PRDM16: variants seen among roughly 807,000 people sequenced by gnomAD.
PRDM16 encodes PR/SET domain 16.
PRDM16 carries 23 observed loss-of-function variants against 110.6 expected under a neutral mutation model. The observed-to-expected ratio is 0.21, with a 90% CI of 0.15 to 0.29. The LOEUF (loss-of-function observed/expected upper bound fraction) is 0.29. Ranked by LOEUF, PRDM16 falls within the 10% of genes least tolerant of loss-of-function variation. The pLI, the probability that PRDM16 is intolerant of heterozygous loss-of-function variation, is 1.00. For synonymous variants in PRDM16, 799 were observed against 781.8 expected, an observed-to-expected ratio of 1.02 and a Z score of -0.37; for missense variants, 1,615 against 1,794.3, an observed-to-expected ratio of 0.90 and a Z score of 1.81.
In PRDM16 at chr1:3,425,897, C is replaced by A; in HGVS notation, c.3109+147C>A. 3 of 1,256,534 alleles carry A rather than the reference C, an allele frequency of 2.4e-6. No individual in the cohort carries two copies. In the South Asian group the frequency reaches 4.4e-5, roughly 18 times the overall value. 77.8% of individuals were successfully genotyped at this position (1,256,534 alleles called of 1,614,324 possible). ...GGAAGCCAACAGGCACCCCTCAAAC[C>A]GTGGTCATTAAAGAGAACCTCGTGC... On this transcript the variant is annotated intron_variant, in intron 13 of 16. Coordinates refer to ENST00000270722, the MANE Select transcript of PRDM16 (RefSeq NM_022114.4). The surrounding 1 kb of genome is among the most constrained non-coding windows in gnomAD (Gnocchi z 6.9).
chr1:3,076,553 C>T (rs934050431), intron 1 of PRDM16, among the ~76,000 whole-genome samples: 6 of 152,176 alleles, frequency 3.9e-5, no homozygotes, highest in African/African-American at 1.4e-4. Context: ...TCAGCGTCCC[C>T]GGGCAGAAGC....
At chr1:3,320,353 C>T (rs1482555928) in intron 3 of PRDM16, among the ~76,000 whole-genome samples, 1 of 152,144 alleles carries the variant, frequency 6.6e-6, no homozygotes, top group African/African-American at 2.4e-5. Context: ...CACACGTGCA[C>T]ACACTGGTGT....
intron 1 of PRDM16, among the ~76,000 whole-genome samples, chr1:3,168,880 A>G (rs1410633133): frequency 2.0e-5 from 3 of 152,082 alleles, no homozygotes; most frequent in Non-Finnish European, 2.9e-5. Flanking sequence ...GCTCTGGCCT[A>G]CCGAGCCTAC....
intron 1 of PRDM16, among the ~76,000 whole-genome samples, chr1:3,139,842 G>A (rs893721734): frequency 6.6e-6 from 1 of 152,206 alleles, no homozygotes; most frequent in South Asian, 2.1e-4. Context: ...GGTGAAAGAC[G>A]GTCCTAAGAC....
At chr1:3,101,630 G>A (rs868163149) in intron 1 of PRDM16, among the ~76,000 whole-genome samples, 1 of 152,214 alleles carries the variant, frequency 6.6e-6, no homozygotes, top group Non-Finnish European at 1.5e-5. Flanking sequence ...CAGGGCACCC[G>A]TGGGGGTCTC....
chr1:3,418,791 G>T lies in PRDM16; in HGVS notation c.2939+47G>T, dbSNP rs376082111. 43 of 1,408,998 alleles carry T rather than the reference G, an allele frequency of 3.1e-5. No individual in the cohort carries two copies. The African/African-American group carries it at 4.0e-4, about 13-fold the overall frequency. The allele number at this position is 1,408,998 out of a possible 1,614,324, so 87.3% of individuals were successfully genotyped here. A position where few individuals can be genotyped will look rare whatever the true frequency, so the allele number is the denominator to read the frequency against. ...TGTGGGGGCGGGGCCGCCTGCCTCC[G>T]TGCACCGCTGACCCACTCCTAGGAG... On this transcript the variant is annotated intron_variant, in intron 12 of 16. Transcript: ENST00000270722.
chr1:3,415,443 G>A (rs573964016), intron 10 of PRDM16, among the ~76,000 whole-genome samples: 2 of 152,350 alleles, frequency 1.3e-5, no homozygotes, highest in Non-Finnish European at 2.9e-5. Context: ...CGCCGTGGAC[G>A]GGCCCCCCAC....
rs1278900346 is a variant in PRDM16, at chr1:3,148,640, G to A, written c.38-37485G>A. 6.6e-6 allele frequency among the ~76,000 whole-genome samples: 1 copy of A among 152,134 alleles called. No homozygotes were observed. The highest frequency in any genetic ancestry group is 6.5e-5 in the Admixed American group (1 of 15,282). ...GGCTCAGATCCCATCTCAGGTGGGC[G>A]GTGACTTGTCCTGGCCGAGCCAGCC... On this transcript the variant is annotated intron_variant, in intron 1 of 16. Transcript: ENST00000270722. The surrounding 1 kb of genome is among the most constrained non-coding windows in gnomAD (Gnocchi z 5.0).
At chr1:3,134,036 G>A (rs913419894) in intron 1 of PRDM16, among the ~76,000 whole-genome samples, 3 of 152,214 alleles carry the variant, frequency 2.0e-5, no homozygotes, top group East Asian at 1.9e-4. Context: ...CAGGCAGCGC[G>A]TCCAGTTCAG....
rs185041492 is a variant in PRDM16 at position 3,402,820 on chromosome 1, G to A, written c.706G>A (p.Asp236Asn). The A allele has an allele frequency of 9.6e-5, 155 of 1,612,732 alleles. No homozygotes were observed. The Admixed American group carries it at 2.3e-3, about 24-fold the overall frequency. ...EEPTFRCDECDELFQSKLDLR... is the reference protein window; with the variant it reads ...EEPTFRCDECNELFQSKLDLR... ...GCCCACGTTCCGCTGTGACGAGTGTGACGAACTCTTCCAGTCCAAGCTGGA... is the reference window on the plus strand; with the variant it reads ...GCCCACGTTCCGCTGTGACGAGTGTAACGAACTCTTCCAGTCCAAGCTGGA... Residue 236 changes from aspartate to asparagine, a missense_variant, in exon 6 of 17, where the codon GAC becomes AAC. Asp to Asn is a conservative substitution (Grantham distance 23). This residue lies in a region of PRDM16 where 416 missense variants were observed against 467.1 expected (regional missense o/e 0.89). Coordinates refer to ENST00000270722, the MANE Select transcript of PRDM16 (RefSeq NM_022114.4).
At chr1:3,389,288 C>T (rs751473879) in intron 4 of PRDM16, among the ~76,000 whole-genome samples, 11 of 152,298 alleles carry the variant, frequency 7.2e-5, no homozygotes, top group Middle Eastern at 3.4e-3. Flanking sequence ...GAGGCAGGAC[C>T]GGCTAAGCTG....
chr1:3,139,076 G>T (rs1251422265), intron 1 of PRDM16, among the ~76,000 whole-genome samples: 2 of 152,152 alleles, frequency 1.3e-5, no homozygotes, highest in South Asian at 4.1e-4. Context: ...GTCTGCAGGG[G>T]TCCAGTTTGT....
chr1:3,096,841 G>C (rs930081485), intron 1 of PRDM16, among the ~76,000 whole-genome samples: 3 of 152,186 alleles, frequency 2.0e-5, no homozygotes, highest in African/African-American at 7.2e-5. Flanking sequence ...ACGGGAGTCT[G>C]GGCGGCTTCT....
intron 3 of PRDM16, among the ~76,000 whole-genome samples, chr1:3,256,588 G>A (rs1344300515): frequency 6.6e-6 from 1 of 152,212 alleles, no homozygotes; most frequent in Non-Finnish European, 1.5e-5. Context: ...GTCGGGCGTG[G>A]TGGCTCATGC....
rs1461643651 is a variant in PRDM16, at chr1:3,364,319, G to C, written c.439-20833G>C. On this transcript the variant is annotated intron_variant, in intron 3 of 16. Transcript: ENST00000270722. Reference sequence around the variant, plus strand: ...TTTATCGGTTCTTCAGGGGCCCCTGGTTTTCCATGAAGTGGCCCCCAAGTC... The same window carrying C: ...TTTATCGGTTCTTCAGGGGCCCCTGCTTTTCCATGAAGTGGCCCCCAAGTC... 5.3e-5 allele frequency among the ~76,000 whole-genome samples: 8 copies of C among 152,166 alleles called. No individual in the cohort carries two copies. In the East Asian group the frequency reaches 1.5e-3, roughly 29 times the overall value.
At chr1:3,411,195 GCACA>G (rs544227601) in intron 8 of PRDM16, among the ~76,000 whole-genome samples, 185 bp from the exon 9 acceptor site, 1 of 152,130 alleles carries the variant, frequency 6.6e-6, no homozygotes, top group Non-Finnish European at 1.5e-5. Flanking sequence ...TTGTGTGTAC[GCACA>G]CACGCATGTA....
intron 2 of PRDM16, among the ~76,000 whole-genome samples, chr1:3,227,088 G>A (rs976921052): frequency 6.6e-6 from 1 of 152,238 alleles, no homozygotes; most frequent in Non-Finnish European, 1.5e-5. Flanking sequence ...CACGTGCAAC[G>A]AACATCCACG....
intron 2 of PRDM16, among the ~76,000 whole-genome samples, chr1:3,241,079 G>C (rs1361662367): frequency 6.6e-6 from 1 of 152,228 alleles, no homozygotes; most frequent in Admixed American, 6.5e-5. Flanking sequence ...GGCTGGGGGA[G>C]CCGGGGAGCG....
chr1:3,431,186 G>A, intron 15 of PRDM16, 78 bp downstream of exon 15: 1 of 1,505,822 alleles, frequency 6.6e-7, no homozygotes, highest in Non-Finnish European at 8.9e-7. Context: ...TCCCTCTTCA[G>A]CCACTCGTGA....
Sources: gnomAD v4.1 joint callset for allele counts (sites outside exome capture counted in the v4.1 genomes callset) on GRCh38, gnomAD v4.1.1 for gene constraint, gnomAD v4.1.1 regional missense constraint, Gnocchi (gnomAD v3.1) non-coding constraint, MANE v1.5 for transcripts, NCBI Gene and HGNC (gene_info 2026-07-23, HGNC 2026-07-21) for gene names.